The following DGKI variants were observed in gnomAD, a reference collection of about 807,000 sequenced individuals.
DGKI encodes diacylglycerol kinase iota.
DGKI carries 55 observed loss-of-function variants against 147.5 expected under a neutral mutation model. The ratio of observed to expected loss-of-function variants is 0.37; its 90% CI spans 0.30 to 0.47. DGKI has a LOEUF of 0.47. DGKI is among the 20% of genes least tolerant of loss of function. DGKI has a pLI of 1.00. For synonymous variants in DGKI, 469 were observed against 477.1 expected (o/e 0.98, Z 0.22); for missense variants, 1,007 against 1,323.8 (o/e 0.76, Z 3.71).
intron 6 of DGKI, among the ~76,000 whole-genome samples, chr7:137,644,054 C>T (rs1386692717): frequency 2.0e-5 from 3 of 152,016 alleles, no homozygotes; most frequent in Admixed American, 6.6e-5. Flanking sequence ...AAGTTACAGT[C>T]GATGATTCTT....
intron 1 of DGKI, chr7:137,722,882 A>C: frequency 2.9e-6 from 2 of 697,106 alleles, no homozygotes; most frequent in Non-Finnish European, 4.3e-6. Context: ...TAAATAGTTG[A>C]CTACGTTAAA....
At chr7:137,817,752 T>C (rs796666984) in intron 1 of DGKI, among the ~76,000 whole-genome samples, 52 of 152,362 alleles carry the variant, frequency 3.4e-4, no homozygotes, top group African/African-American at 1.1e-3. Context: ...CCTATGAATG[T>C]AGAGAATGCA....
At chr7:137,501,997 T>A (rs1488089860) in intron 21 of DGKI, among the ~76,000 whole-genome samples, 1 of 152,184 alleles carries the variant, frequency 6.6e-6, no homozygotes, top group Non-Finnish European at 1.5e-5. Context: ...GGAGTTTGCC[T>A]GCACAAGCCC....
Position 137,619,823 on chromosome 7 carries a change from C to A in DGKI, c.993+1G>T. The A allele has an allele frequency of 1.2e-6, 2 of 1,611,632 alleles. No individual in the cohort carries two copies. The highest frequency in any genetic ancestry group is 1.7e-6 in the Non-Finnish European group (2 of 1,178,136). On this transcript the variant is annotated splice_donor_variant, in intron 8 of 32. Coordinates refer to ENST00000614521, the MANE Select transcript of DGKI (RefSeq NM_001321708.2). LOFTEE classifies it high-confidence loss of function. ...AGCAGCACCAGAGTCCTGGCAGTTACCTGAGGTTTCTTCACCTTAATGATC... is the reference window on the plus strand; with the variant it reads ...AGCAGCACCAGAGTCCTGGCAGTTAACTGAGGTTTCTTCACCTTAATGATC...
At chr7:137,490,427 C>G (rs952547639) in intron 21 of DGKI, among the ~76,000 whole-genome samples, 3 of 152,152 alleles carry the variant, frequency 2.0e-5, no homozygotes, top group South Asian at 2.1e-4. Context: ...TTTTCACTAT[C>G]TTTTGAGCAT....
chr7:137,449,569 T>C lies in DGKI; in HGVS notation c.2736-5467A>G, dbSNP rs116991132. On this transcript the variant is annotated intron_variant, in intron 27 of 32. Coordinates refer to ENST00000614521, the MANE Select transcript of DGKI (RefSeq NM_001321708.2). ...ACAGAAAAGCTCCACGACATCGGTC[T>C]GGGCAATGATTATTTTGGACATGAC... Among the ~76,000 whole-genome samples, 973 of 152,226 alleles carry C rather than the reference T, an allele frequency of 6.4e-3. 37 individuals carry two copies. The East Asian group carries it at 0.076, about 12-fold the overall frequency.
chr7:137,841,206 G>A (rs1245433994), intron 1 of DGKI, among the ~76,000 whole-genome samples: 1 of 152,222 alleles, frequency 6.6e-6, no homozygotes, highest in African/African-American at 2.4e-5. Flanking sequence ...ACGCTTTTGA[G>A]CTCATACCAA....
intron 6 of DGKI, among the ~76,000 whole-genome samples, chr7:137,626,322 G>GACACACACACAC: frequency 7.2e-6 from 1 of 139,136 alleles, no homozygotes; most frequent in Non-Finnish European, 1.6e-5. Flanking sequence ...AAGTGCTTCT[G>GACACACACACAC]ACACACACAC....
chr7:137,789,512 C>T (rs923550232), intron 1 of DGKI, among the ~76,000 whole-genome samples: 4 of 152,014 alleles, frequency 2.6e-5, no homozygotes, highest in African/African-American at 9.7e-5. Context: ...CATTATCAAA[C>T]CTTTCCATAT....
chr7:137,835,097 A>T (rs1160270516), intron 1 of DGKI, among the ~76,000 whole-genome samples: 1 of 152,070 alleles, frequency 6.6e-6, no homozygotes, highest in Non-Finnish European at 1.5e-5. Flanking sequence ...GCACCATCCA[A>T]CCCCTTGGCT....
At chr7:137,570,561 C>G (rs1314912103) in intron 19 of DGKI, among the ~76,000 whole-genome samples, 17 of 151,262 alleles carry the variant, frequency 1.1e-4, no homozygotes. Flanking sequence ...GCTATGGCTT[C>G]TGTGCCAATG....
chr7:137,788,692 C>T (rs923447037), intron 1 of DGKI, among the ~76,000 whole-genome samples: 3 of 150,300 alleles, frequency 2.0e-5, no homozygotes, highest in African/African-American at 7.4e-5. Flanking sequence ...CTCCATCCCC[C>T]TGCCATACAC....
At chr7:137,629,242 T>C (rs1250894519) in intron 6 of DGKI, among the ~76,000 whole-genome samples, 1 of 152,236 alleles carries the variant, frequency 6.6e-6, no homozygotes, top group East Asian at 1.9e-4. Context: ...AAAAGTACTT[T>C]TATGTATTTT....
At chr7:137,585,137 C>G in intron 14 of DGKI, 72 bp downstream of exon 14, 2 of 1,567,772 alleles carry the variant, frequency 1.3e-6, no homozygotes, top group South Asian at 1.2e-5. Flanking sequence ...GACTCTCCAG[C>G]CAGGATTTTT....
At chr7:137,838,424 C>T (rs768223665) in intron 1 of DGKI, among the ~76,000 whole-genome samples, 30 of 152,144 alleles carry the variant, frequency 2.0e-4, no homozygotes, top group African/African-American at 6.3e-4. Flanking sequence ...AAATGATACA[C>T]GGAACCCTTT....
intron 1 of DGKI, among the ~76,000 whole-genome samples, chr7:137,832,094 C>T (rs574364882): frequency 3.3e-5 from 5 of 152,208 alleles, no homozygotes; most frequent in African/African-American, 4.8e-5. Context: ...CAGGGTATAG[C>T]CCCTCTCCTG....
chr7:137,567,564 GT>G (rs1278619644), intron 19 of DGKI, among the ~76,000 whole-genome samples: 1 of 152,130 alleles, frequency 6.6e-6, no homozygotes, highest in African/African-American at 2.4e-5. Flanking sequence ...CAAATGACCA[GT>G]TTCTTCAATA....
In DGKI at chr7:137,687,792, G is replaced by A. The variant is rs547867148; in HGVS notation, c.510+2102C>T. On this transcript the variant is annotated intron_variant, in intron 2 of 32. Transcript: ENST00000614521. ...TGGACTGTCTCAAGGAAGGGCTTTC[G>A]GTTTTCCCACCATTGTTAGATGTCA... 7.9e-5 allele frequency among the ~76,000 whole-genome samples: 12 copies of A among 152,170 alleles called. No homozygotes were observed. The South Asian group carries it at 1.9e-3, about 24-fold the overall frequency.
chr7:137,612,486 T>C (rs1342045432), intron 8 of DGKI, among the ~76,000 whole-genome samples: 4 of 152,134 alleles, frequency 2.6e-5, no homozygotes, highest in African/African-American at 9.7e-5. Context: ...TCTATTTTTG[T>C]ATAAATACAT....
Sources: gnomAD v4.1 joint callset for allele counts (sites outside exome capture counted in the v4.1 genomes callset) on GRCh38, gnomAD v4.1.1 for gene constraint, MANE v1.5 for transcripts, NCBI Gene and HGNC (gene_info 2026-07-23, HGNC 2026-07-21) for gene names.